Variants in TMEM117 observed in about 807,000 individuals in gnomAD.
TMEM117 encodes the protein transmembrane protein 117.
Under a neutral mutation model 52.4 loss-of-function variants are expected in TMEM117, and 27 were observed. The observed-to-expected ratio is 0.51, with a 90% confidence interval of 0.38 to 0.71. The LOEUF is 0.71. Among genes scored for constraint, TMEM117 ranks in the 30% least tolerant of loss-of-function variants. TMEM117 has a pLI of 0.00. For synonymous variants in TMEM117, 215 were observed against 206.3 expected (o/e 1.04, Z -0.36); for missense variants, 556 against 630.5 (o/e 0.88, Z 1.26).
intron 5 of TMEM117, among the ~76,000 whole-genome samples, chr12:44,298,325 G>C (rs74084479): frequency 0.063 from 9,542 of 150,314 alleles, 858 homozygotes; most frequent in African/African-American, 0.13. Flanking sequence ...GTTCTACAAT[G>C]TTATTTCACC....
At chr12:44,133,021 A>G (rs879013173) in intron 3 of TMEM117, among the ~76,000 whole-genome samples, 11 of 152,370 alleles carry the variant, frequency 7.2e-5, no homozygotes, top group Admixed American at 5.2e-4. Flanking sequence ...TGAGTTTTCC[A>G]TAATATCTTT....
At chr12:44,097,450 G>T (rs1947786548) in intron 3 of TMEM117, among the ~76,000 whole-genome samples, 1 of 151,958 alleles carries the variant, frequency 6.6e-6, no homozygotes, top group South Asian at 2.1e-4. Flanking sequence ...CAATAGCAAA[G>T]ACTTGGAACC....
the TMEM117 span, among the ~76,000 whole-genome samples, chr12:43,812,691 A>G: frequency 6.6e-6 from 1 of 152,016 alleles, no homozygotes; most frequent in Admixed American, 6.6e-5. Context: ...CTTTGATCCT[A>G]TACTAGGCTG....
intron 3 of TMEM117, 39 bp downstream of exon 3, chr12:43,944,381 T>A: frequency 3.2e-6 from 5 of 1,566,480 alleles, no homozygotes; most frequent in Non-Finnish European, 1.7e-6. Flanking sequence ...GTGAGTGTTA[T>A]GTTTGAAACT....
intron 3 of TMEM117, among the ~76,000 whole-genome samples, chr12:44,083,376 T>C (rs996069795): frequency 6.0e-5 from 9 of 150,814 alleles, no homozygotes; most frequent in Non-Finnish European, 1.2e-4. Flanking sequence ...TAAATTTGTA[T>C]TGGGTATTGT....
chr12:44,019,777 A>C (rs912458274), intron 3 of TMEM117, among the ~76,000 whole-genome samples: 1 of 152,180 alleles, frequency 6.6e-6, no homozygotes, highest in African/African-American at 2.4e-5. Context: ...AATTATCAAA[A>C]GATGGAATTC....
the TMEM117 span, among the ~76,000 whole-genome samples, chr12:43,821,137 A>G: frequency 6.6e-6 from 1 of 152,058 alleles, no homozygotes. Flanking sequence ...TAAAGACACA[A>G]AATGAATAAA....
At chr12:43,877,780 T>G (rs1259965266) in intron 2 of TMEM117, among the ~76,000 whole-genome samples, 1 of 152,122 alleles carries the variant, frequency 6.6e-6, no homozygotes, top group South Asian at 2.1e-4. Flanking sequence ...CATAATATTA[T>G]GTAGCCCTTG....
At chr12:44,254,378 C>T (rs531288220) in intron 5 of TMEM117, among the ~76,000 whole-genome samples, 12 of 151,828 alleles carry the variant, frequency 7.9e-5, no homozygotes, top group African/African-American at 2.7e-4. Context: ...GAAATGACTT[C>T]TAAATATACA....
At chr12:43,879,127 T>A (rs1171903217) in intron 2 of TMEM117, among the ~76,000 whole-genome samples, 1 of 152,196 alleles carries the variant, frequency 6.6e-6, no homozygotes, top group East Asian at 1.9e-4. Flanking sequence ...AACAGTTTTA[T>A]CAAAGGATAT....
intron 4 of TMEM117, among the ~76,000 whole-genome samples, chr12:44,208,847 C>T (rs985687247): frequency 7.0e-6 from 1 of 143,120 alleles, no homozygotes; most frequent in Non-Finnish European, 1.5e-5. Flanking sequence ...AGCAGATTGT[C>T]TCCTTCTAGA....
intron 3 of TMEM117, among the ~76,000 whole-genome samples, chr12:44,101,853 C>G (rs113180593): frequency 2.0e-5 from 3 of 152,046 alleles, no homozygotes; most frequent in African/African-American, 7.2e-5. Context: ...CCCTGCATGC[C>G]TTTTTCTTTT....
chr12:43,939,284 A>T (rs907349502), intron 2 of TMEM117, among the ~76,000 whole-genome samples: 1 of 152,182 alleles, frequency 6.6e-6, no homozygotes, highest in African/African-American at 2.4e-5. Context: ...GCCAAATCAT[A>T]TATAGGTTTT....
the TMEM117 span, among the ~76,000 whole-genome samples, chr12:43,829,452 T>C: frequency 6.6e-6 from 1 of 152,188 alleles, no homozygotes; most frequent in African/African-American, 2.4e-5. Context: ...GTTCATTGAT[T>C]GGGTGGTGTA....
chr12:43,806,074 C>T, the TMEM117 span: 1 of 1,517,534 alleles, frequency 6.6e-7, no homozygotes, highest in Admixed American at 2.0e-5. Context: ...AGCAGGAGCG[C>T]GGAGAGGCGC....
chr12:44,337,227 C>A (rs185814656), intron 6 of TMEM117, among the ~76,000 whole-genome samples: 1 of 151,962 alleles, frequency 6.6e-6, no homozygotes, highest in Non-Finnish European at 1.5e-5. Context: ...CTCTCTGCTT[C>A]CAAGATGGCA....
intron 5 of TMEM117, among the ~76,000 whole-genome samples, chr12:44,273,207 A>G (rs1950469689): frequency 6.6e-6 from 1 of 151,124 alleles, no homozygotes; most frequent in African/African-American, 2.4e-5. Flanking sequence ...AACATCACAC[A>G]CCAGGACCTG....
In TMEM117 at chr12:44,181,172, T is replaced by C. The variant is rs1450701995; in HGVS notation, c.511-30118T>C. ...TCTTCTTTTGAGAAGTGTCTGTTCATGTCCTTTGCCCACTTTTTGATGGGG... is the reference window on the plus strand; with the variant it reads ...TCTTCTTTTGAGAAGTGTCTGTTCACGTCCTTTGCCCACTTTTTGATGGGG... On this transcript the variant is annotated intron_variant, in intron 4 of 7. Coordinates refer to ENST00000266534, the MANE Select transcript of TMEM117 (RefSeq NM_032256.3). Among the ~76,000 whole-genome samples, 6 of 150,156 alleles carry C rather than the reference T, an allele frequency of 4.0e-5. No homozygotes were observed. The East Asian group carries it at 5.9e-4, about 15-fold the overall frequency.
At chr12:43,923,980 G>T (rs1163000191) in intron 2 of TMEM117, among the ~76,000 whole-genome samples, 2 of 152,078 alleles carry the variant, frequency 1.3e-5, no homozygotes, top group African/African-American at 4.8e-5. Context: ...TAGAATAGTG[G>T]CTAAGTAAAT....
Sources: gnomAD v4.1 joint callset for allele counts (sites outside exome capture counted in the v4.1 genomes callset) on GRCh38, gnomAD v4.1.1 for gene constraint, MANE v1.5 for transcripts, NCBI Gene and HGNC (gene_info 2026-07-23, HGNC 2026-07-21) for gene names.